Variants in DCAF11 observed in about 807,000 individuals in gnomAD.
DCAF11 encodes DDB1- and CUL4-associated factor 11.
A neutral mutation model predicts 76.1 loss-of-function variants in DCAF11; 44 were observed. That is an observed-to-expected ratio of 0.58 (90% CI 0.45 to 0.74). The LOEUF (loss-of-function observed/expected upper bound fraction) is 0.74, where lower values mean the gene tolerates loss of function less well. DCAF11 is among the 30% of genes least tolerant of loss of function. DCAF11 has a pLI of 0.00. For synonymous variants in DCAF11, 258 were observed against 255.0 expected (o/e 1.01, Z -0.11); for missense variants, 604 against 709.4 (o/e 0.85, Z 1.69).
Position 24,123,415 on chromosome 14 carries a change from G to T in DCAF11, c.*106G>T. 1 of 1,465,130 alleles carries T rather than the reference G, an allele frequency of 6.8e-7. No homozygotes were observed. Among genetic ancestry groups the T allele is most frequent in the African/African-American group, 1.4e-5 (1 of 70,700 alleles). The allele number at this position is 1,465,130 out of a possible 1,614,324, so 90.8% of individuals were successfully genotyped here. A position where few individuals can be genotyped will look rare whatever the true frequency, so the allele number is the denominator to read the frequency against. On this transcript the variant is annotated 3_prime_UTR_variant, in exon 15 of 15. Transcript: ENST00000446197. ...TTTGGAGGAATCACTGGCATTTGAT[G>T]GGGAATAACATAAGCCTGGGCTCTG... is the stretch of plus-strand genomic sequence containing the variant.
chr14:24,117,436 G>C lies in DCAF11; in HGVS notation c.411+43G>C. On this transcript the variant is annotated intron_variant, in intron 4 of 14. Coordinates refer to ENST00000446197, the MANE Select transcript of DCAF11 (RefSeq NM_025230.5). The surrounding 1 kb of genome is among the most constrained non-coding windows in gnomAD (Gnocchi z 4.3). ...CCAGCCTGGCAGCAGGCCTGCCAAA[G>C]CAGCCAGAAGCTCTGCCAGCCCCAG... 2 of 1,609,502 alleles carry C rather than the reference G, an allele frequency of 1.2e-6. No individual in the cohort carries two copies. The highest frequency in any genetic ancestry group is 1.7e-6 in the Non-Finnish European group (2 of 1,177,114).
In DCAF11 at chr14:24,114,847, C is replaced by G; in HGVS notation, c.-660C>G. 1.0e-6 allele frequency: 1 copy of G among 985,968 alleles called. No individual in the cohort carries two copies. Among genetic ancestry groups the G allele is most frequent in the Non-Finnish European group, 1.2e-6 (1 of 829,962 alleles). 61.1% of individuals were successfully genotyped at this position (985,968 alleles called of 1,614,324 possible). On this transcript the variant is annotated 5_prime_UTR_variant, in exon 1 of 15. Transcript: ENST00000446197. ...ACGAGCGAAGCGCGTGACGGAGGAG[C>G]GGTTGGCCAACGCAGTGGCGGCAGT... is the stretch of plus-strand genomic sequence containing the variant.
At position 24,117,551 on chromosome 14, in the gene DCAF11, CTA is replaced by C. The variant is rs2037605607; in HGVS notation, c.412-115_412-114del. On this transcript the variant is annotated intron_variant, in intron 4 of 14. Coordinates refer to ENST00000446197, the MANE Select transcript of DCAF11 (RefSeq NM_025230.5). The surrounding 1 kb of genome is among the most constrained non-coding windows in gnomAD (Gnocchi z 4.3). ...CTCCATCGGAGTTCTGTGGGACAGA[CTA>C]TGATGTGTGTGTCCATTTCTATAAC... The C allele has an allele frequency of 3.3e-6, 5 of 1,519,660 alleles. No homozygotes were observed. The highest frequency in any genetic ancestry group is 4.5e-6 in the Non-Finnish European group (5 of 1,110,940). The allele number at this position is 1,519,660 out of a possible 1,614,324, so 94.1% of individuals were successfully genotyped here. A position where few individuals can be genotyped will look rare whatever the true frequency, so the allele number is the denominator to read the frequency against.
intron 13 of DCAF11, 21 bp downstream of exon 13, chr14:24,121,538 G>C: frequency 6.2e-7 from 1 of 1,612,148 alleles, no homozygotes; most frequent in East Asian, 2.2e-5. Flanking sequence ...TGTCAGAACA[G>C]GGGGCCTCAG....
At chr14:24,121,243 C>G (rs2037684730) in intron 12 of DCAF11, 122 bp from the exon 13 acceptor site, 1 of 1,343,802 alleles carries the variant, frequency 7.4e-7, no homozygotes. Context: ...GGAGAAAGAG[C>G]CACCACTTGA....
chr14:24,121,081 C>T lies in DCAF11; in HGVS notation c.1246+90C>T, dbSNP rs2037682462. 5 of 1,522,202 alleles carry T rather than the reference C, an allele frequency of 3.3e-6. No individual in the cohort carries two copies. In the South Asian group the frequency reaches 6.2e-5, roughly 19 times the overall value. The allele number at this position is 1,522,202 out of a possible 1,614,324, so 94.3% of individuals were successfully genotyped here. On this transcript the variant is annotated intron_variant, in intron 12 of 14. Transcript: ENST00000446197. ...CTCAGCCCTCTTTGCCAGGCATTAA[C>T]TCTTTATTTGCTAAATCATGGATGG...
chr14:24,117,599 A>T lies in DCAF11; in HGVS notation c.412-69A>T. On this transcript the variant is annotated intron_variant, in intron 4 of 14. Transcript: ENST00000446197. The surrounding 1 kb of genome is among the most constrained non-coding windows in gnomAD (Gnocchi z 4.3). ...ATAACAAGAGCAATATCTTTGGAGG[A>T]GGGGGCTTGATATGGCTGAAGTGGC... 1 of 1,566,556 alleles carries T rather than the reference A, an allele frequency of 6.4e-7. No individual in the cohort carries two copies.
Position 24,117,184 on chromosome 14 carries a change from A to G in DCAF11, c.284-82A>G. 1 of 1,603,792 alleles carries G rather than the reference A, an allele frequency of 6.2e-7. No individual in the cohort carries two copies. Among genetic ancestry groups the G allele is most frequent in the South Asian group, 1.1e-5 (1 of 90,104 alleles). ...TTACAGCCCCAGTATATTCAGCCACAGGGGTGGGCTTGGGTACAGTTCTGC... is the reference window on the plus strand; with the variant it reads ...TTACAGCCCCAGTATATTCAGCCACGGGGGTGGGCTTGGGTACAGTTCTGC... On this transcript the variant is annotated intron_variant, in intron 3 of 14. Transcript: ENST00000446197. The surrounding 1 kb of genome is among the most constrained non-coding windows in gnomAD (Gnocchi z 4.3).
chr14:24,115,796 C>T, intron 2 of DCAF11, 47 bp downstream of exon 2: 7 of 1,582,444 alleles, frequency 4.4e-6, no homozygotes, highest in Non-Finnish European at 6.0e-6. Flanking sequence ...ACCACAGTGC[C>T]TTGATCCCAA....
At position 24,115,472 on chromosome 14, in the gene DCAF11, G is replaced by C. The variant is rs2037528712; in HGVS notation, c.-123G>C. ...GCCCCGAGGAAGGGTCACCCTCCTA[G>C]AGATAGCTACTACCCCGTCTCAGGA... On this transcript the variant is annotated 5_prime_UTR_variant, in exon 2 of 15. Coordinates refer to ENST00000446197, the MANE Select transcript of DCAF11 (RefSeq NM_025230.5). 7.1e-7 allele frequency: 1 copy of C among 1,413,684 alleles called. No homozygotes were observed. The highest frequency in any genetic ancestry group is 9.5e-7 in the Non-Finnish European group (1 of 1,053,168). The allele number at this position is 1,413,684 out of a possible 1,614,324, so 87.6% of individuals were successfully genotyped here. A position where few individuals can be genotyped will look rare whatever the true frequency, so the allele number is the denominator to read the frequency against.
chr14:24,120,615 G>A (rs975767283), intron 11 of DCAF11, among the ~76,000 whole-genome samples: 28 of 152,252 alleles, frequency 1.8e-4, no homozygotes, highest in African/African-American at 6.7e-4. Flanking sequence ...ATCTGATTAA[G>A]GCTAGAATAG....
chr14:24,119,800 C>A lies in DCAF11; in HGVS notation c.996C>A (p.Cys332Ter), dbSNP rs2037655956. 1.9e-6 allele frequency: 3 copies of A among 1,614,224 alleles called. No homozygotes were observed. The highest frequency in any genetic ancestry group is 1.7e-6 in the Non-Finnish European group (2 of 1,180,038). The change falls in exon 11 of 15, where the codon TGC becomes TGA. Residue 332 changes from cysteine to a stop codon, truncating the protein, a stop_gained. Coordinates refer to ENST00000446197, the MANE Select transcript of DCAF11 (RefSeq NM_025230.5). LOFTEE classifies it high-confidence loss of function. ...TCTCTGGGGGAGATGATGCCATCTG[C>A]AAAGTGTGGGATCGACGCACCATGC... is the stretch of plus-strand genomic sequence containing the variant. Reference protein sequence around the residue: ...ILFSGGDDAICKVWDRRTMRE... With the variant: ...ILFSGGDDAI
At chr14:24,118,898 G>T in intron 8 of DCAF11, 94 bp downstream of exon 8, 8 of 1,429,560 alleles carry the variant, frequency 5.6e-6, no homozygotes, top group Non-Finnish European at 6.9e-6. Flanking sequence ...CTGTTTAGGG[G>T]AAAAAGTATA....
chr14:24,123,273 G>A lies in DCAF11; in HGVS notation c.1605G>A (p.Val535=), dbSNP rs868297798. The A allele has an allele frequency of 1.3e-6, 2 of 1,555,444 alleles. No homozygotes were observed. The highest frequency in any genetic ancestry group is 3.5e-4 in the Middle Eastern group (2 of 5,736). The change falls in exon 15 of 15, where the codon GTG becomes GTA. Residue 535 remains valine, a synonymous_variant. Transcript: ENST00000446197. ...SEECASAPAP[V]PQSSTPFSSP... Reference sequence around the variant, plus strand: ...AATGTGCCAGCGCCCCTGCCCCAGTGCCCCAATCCTCTACACCCTTTTCCT... The same window carrying A: ...AATGTGCCAGCGCCCCTGCCCCAGTACCCCAATCCTCTACACCCTTTTCCT...
rs1294648302 is a variant in DCAF11 at position 24,122,919 on chromosome 14, TA to T, written c.1400-51del. ...GTGCTACTCATGGGGAGGTGAGGGA[TA>T]GTTTAGATGTCTTGTGGTGGTCCCT... On this transcript the variant is annotated intron_variant, in intron 13 of 14. Transcript: ENST00000446197. 5 of 1,527,242 alleles carry T rather than the reference TA, an allele frequency of 3.3e-6. No homozygotes were observed. In the Admixed American group the frequency reaches 8.7e-5, roughly 27 times the overall value. The allele number at this position is 1,527,242 out of a possible 1,614,324, so 94.6% of individuals were successfully genotyped here. A position where few individuals can be genotyped will look rare whatever the true frequency, so the allele number is the denominator to read the frequency against.
chr14:24,117,201 C>T lies in DCAF11; in HGVS notation c.284-65C>T. On this transcript the variant is annotated intron_variant, in intron 3 of 14. Transcript: ENST00000446197. The surrounding 1 kb of genome is among the most constrained non-coding windows in gnomAD (Gnocchi z 4.3). ...TCAGCCACAGGGGTGGGCTTGGGTA[C>T]AGTTCTGCTAACTGTCCTCTGAGGC... The T allele has an allele frequency of 2.5e-6, 4 of 1,608,802 alleles. No individual in the cohort carries two copies. In the South Asian group the frequency reaches 3.3e-5, roughly 13 times the overall value.
At position 24,123,180 on chromosome 14, in the gene DCAF11, C is replaced by T. The variant is rs1018381447; in HGVS notation, c.1512C>T (p.Asp504=). The T allele has an allele frequency of 4.3e-6, 7 of 1,610,500 alleles. No individual in the cohort carries two copies. Among genetic ancestry groups the T allele is most frequent in the Non-Finnish European group, 5.9e-6 (7 of 1,177,500 alleles). The change falls in exon 15 of 15, where the codon GAC becomes GAT. Residue 504 remains aspartate (D), a synonymous_variant. Transcript: ENST00000446197. ...TGCCACCCTCTGCCCTGCAGTGGGACGGGAACCTGCGTCTGTGGCAGTACC... is the reference window on the plus strand; with the variant it reads ...TGCCACCCTCTGCCCTGCAGTGGGATGGGAACCTGCGTCTGTGGCAGTACC... The part of the protein sequence containing the change: ...FEEKIVSSSW[D]GNLRLWQYRQ...
rs772436828 is a variant in DCAF11 at position 24,121,360 on chromosome 14, C to T, written c.1247-5C>T. On this transcript the variant is annotated splice_region_variant and splice_polypyrimidine_tract_variant and intron_variant, in intron 12 of 14. Coordinates refer to ENST00000446197, the MANE Select transcript of DCAF11 (RefSeq NM_025230.5). Reference sequence around the variant, plus strand: ...ACCTAGGGTTTACTCTGCATCCCTACCCAGCCTGGCGGAAGCTGAAGCTCC... The same window carrying T: ...ACCTAGGGTTTACTCTGCATCCCTATCCAGCCTGGCGGAAGCTGAAGCTCC... 6.2e-7 allele frequency: 1 copy of T among 1,614,164 alleles called. No individual in the cohort carries two copies. Among genetic ancestry groups the T allele is most frequent in the Non-Finnish European group, 8.5e-7 (1 of 1,180,030 alleles).
intron 13 of DCAF11, 164 bp downstream of exon 13, chr14:24,121,681 T>C: frequency 1.4e-6 from 1 of 735,104 alleles, no homozygotes; most frequent in Non-Finnish European, 2.1e-6. Flanking sequence ...CATTCTATTT[T>C]TCAGTGTTTT....
Sources: gnomAD v4.1 joint callset for allele counts (sites outside exome capture counted in the v4.1 genomes callset) on GRCh38, gnomAD v4.1.1 for gene constraint, Gnocchi (gnomAD v3.1) non-coding constraint, MANE v1.5 for transcripts, NCBI Gene and HGNC (gene_info 2026-07-23, HGNC 2026-07-21) for gene names.